The following PDE11A variants were observed in gnomAD, a reference collection of about 807,000 sequenced individuals.
The protein encoded by PDE11A is phosphodiesterase 11A.
In PDE11A, 100 loss-of-function variants were observed where a neutral mutation model predicts 100.5. That is an observed-to-expected ratio of 1.00 (90% confidence interval 0.85 to 1.18). The LOEUF is 1.18. Among genes scored for constraint, PDE11A ranks in the 50% most tolerant of loss-of-function variants. The pLI is 0.00. For missense variants in PDE11A, 1,141 were observed against 1,152.6 expected (o/e 0.99, Z 0.15); for synonymous variants, 381 against 420.8 (o/e 0.91, Z 1.16).
intron 10 of PDE11A, among the ~76,000 whole-genome samples, chr2:177,730,858 C>A (rs2081676813): frequency 7.9e-5 from 12 of 152,036 alleles, no homozygotes; most frequent in Admixed American, 7.9e-4. Flanking sequence ...GTAGTGTTAA[C>A]TATATGCACA....
intron 3 of PDE11A, 108 bp downstream of exon 3, chr2:177,904,990 C>T: frequency 4.0e-6 from 3 of 746,528 alleles, no homozygotes; most frequent in Non-Finnish European, 7.4e-6. Context: ...AAAAAAGATT[C>T]CTGTACTATT....
intron 16 of PDE11A, among the ~76,000 whole-genome samples, chr2:177,676,992 C>T (rs1355719398): frequency 1.3e-5 from 2 of 152,178 alleles, no homozygotes; most frequent in Non-Finnish European, 2.9e-5. Flanking sequence ...TGGATGCTGA[C>T]AGTACTGGAG....
At chr2:177,993,762 G>A (rs1007044469) in intron 2 of PDE11A, among the ~76,000 whole-genome samples, 5 of 152,072 alleles carry the variant, frequency 3.3e-5, no homozygotes, top group Admixed American at 2.0e-4. Context: ...GGAGAGGAAA[G>A]AACAATGAGT....
At position 177,716,297 on chromosome 2, in the gene PDE11A, C is replaced by T. The variant is rs1217601589; in HGVS notation, c.2044-4419G>A. ...CATTGTTTCCATCACTCCCTCATTC[C>T]ACATCACCTAATTTTCATGGTATCT... On this transcript the variant is annotated intron_variant, in intron 12 of 19. Coordinates refer to ENST00000286063, the MANE Select transcript of PDE11A (RefSeq NM_016953.4). Among the ~76,000 whole-genome samples, 3 of 152,254 alleles carry T rather than the reference C, an allele frequency of 2.0e-5. No homozygotes were observed. The East Asian group carries it at 5.8e-4, about 29-fold the overall frequency.
chr2:178,018,139 CACCT>C, intron 1 of PDE11A: 1 of 288,704 alleles, frequency 3.5e-6, no homozygotes, highest in South Asian at 3.8e-5. Context: ...ACAGCATGTT[CACCT>C]GCCACCCAGC....
At chr2:177,749,374 C>T (rs1344916) in intron 10 of PDE11A, among the ~76,000 whole-genome samples, 108,782 of 152,002 alleles carry the variant, frequency 0.72, 40,286 homozygotes, top group East Asian at 0.86. Context: ...ACTGTAGGAG[C>T]TAATATTCTA....
At chr2:177,980,809 C>G (rs2085871242) in intron 2 of PDE11A, among the ~76,000 whole-genome samples, 1 of 150,494 alleles carries the variant, frequency 6.6e-6, no homozygotes, top group African/African-American at 2.4e-5. Flanking sequence ...ATATTACCAA[C>G]CTTTTATTGT....
intron 9 of PDE11A, among the ~76,000 whole-genome samples, chr2:177,809,111 G>T (rs2082911930): frequency 1.3e-5 from 2 of 152,242 alleles, no homozygotes; most frequent in Middle Eastern, 3.4e-3. Flanking sequence ...CTGAAGAGAG[G>T]GGAGTGGGGA....
chr2:177,946,864 C>T (rs1309526432), intron 2 of PDE11A, among the ~76,000 whole-genome samples: 24 of 78,624 alleles, frequency 3.1e-4, no homozygotes, highest in African/African-American at 1.1e-3. Context: ...CCCGGCCAGC[C>T]GCCCCGTCCG....
At chr2:177,682,488 A>G (rs1163880105) in intron 15 of PDE11A, among the ~76,000 whole-genome samples, 1 of 152,230 alleles carries the variant, frequency 6.6e-6, no homozygotes. Context: ...ACCCATGGAA[A>G]TCCATTTGGA....
chr2:177,701,691 C>T (rs1031224895), intron 13 of PDE11A, among the ~76,000 whole-genome samples: 1 of 152,180 alleles, frequency 6.6e-6, no homozygotes, highest in Non-Finnish European at 1.5e-5. Context: ...GTGTTCAGAA[C>T]AACTGTCTTA....
At chr2:177,748,726 G>A (rs2081987358) in intron 10 of PDE11A, among the ~76,000 whole-genome samples, 2 of 152,034 alleles carry the variant, frequency 1.3e-5, no homozygotes, top group Admixed American at 6.6e-5. Flanking sequence ...AGTAAATCCT[G>A]ATGTTGATTT....
At chr2:177,882,497 T>A (rs1383701170) in intron 4 of PDE11A, among the ~76,000 whole-genome samples, 1 of 152,248 alleles carries the variant, frequency 6.6e-6, no homozygotes, top group East Asian at 1.9e-4. Flanking sequence ...AAGTTTACTA[T>A]CTAAATCCAA....
At chr2:178,084,714 C>G (rs1454737794) in intron 2 of PDE11A, among the ~76,000 whole-genome samples, 4 of 147,394 alleles carry the variant, frequency 2.7e-5, no homozygotes, top group Non-Finnish European at 6.0e-5. Flanking sequence ...AAAATACAAG[C>G]AAAAAGAAAT....
intron 2 of PDE11A, among the ~76,000 whole-genome samples, chr2:177,961,949 C>T (rs1156391814): frequency 1.4e-5 from 2 of 147,200 alleles, no homozygotes; most frequent in African/African-American, 5.1e-5. Context: ...TTCAGCTACT[C>T]GGGAGGCTGA....
intron 10 of PDE11A, among the ~76,000 whole-genome samples, chr2:177,752,391 A>T (rs891319563): frequency 2.0e-5 from 3 of 152,160 alleles, no homozygotes; most frequent in African/African-American, 7.2e-5. Context: ...TTATACTGTG[A>T]TTACTAATTC....
chr2:178,074,244 G>GT (rs200550001), upstream of PDE11A, among the ~76,000 whole-genome samples: 186 of 151,962 alleles, frequency 1.2e-3, no homozygotes, highest in African/African-American at 4.1e-3. Flanking sequence ...ATGTGTATGA[G>GT]TTTTTTGGGG....
At chr2:178,047,925 C>A (rs907741298) in intron 1 of PDE11A, among the ~76,000 whole-genome samples, 1 of 152,156 alleles carries the variant, frequency 6.6e-6, no homozygotes, top group African/African-American at 2.4e-5. Flanking sequence ...CCCCTTCTTG[C>A]TCCCAGGCCT....
Position 178,072,295 on chromosome 2 carries a change from GC to G in PDE11A, c.142del (p.Ala48LeufsTer2). The G allele has an allele frequency of 6.2e-7, 1 of 1,613,914 alleles. No homozygotes were observed. The highest frequency in any genetic ancestry group is 2.2e-5 in the East Asian group (1 of 44,882). ...WLQRHSQGQG[A>X]LGPRPSLAGT... is the part of the protein sequence containing the mutation. ...AGCCAAAGAGGGCCTTGGACCTAAAGCCCCCTGACCCTGACTGTGCCTCTGC... is the reference window on the plus strand; with the variant it reads ...AGCCAAAGAGGGCCTTGGACCTAAAGCCCCTGACCCTGACTGTGCCTCTGC... On this transcript the variant is annotated frameshift_variant, in exon 1 of 20. Transcript: ENST00000286063. LOFTEE classifies it high-confidence loss of function.
Sources: allele counts gnomAD v4.1 joint callset (sites outside exome capture counted in the v4.1 genomes callset), GRCh38; gene constraint gnomAD v4.1.1; transcripts MANE v1.5; gene names NCBI Gene and HGNC (gene_info 2026-07-23, HGNC 2026-07-21).